Variants in MACF1 observed in about 807,000 individuals in gnomAD.
MACF1 encodes the protein microtubule-actin cross-linking factor 1.
A neutral mutation model predicts 854.8 loss-of-function variants in MACF1; 193 were observed. The ratio of observed to expected loss-of-function variants is 0.23; its 90% CI spans 0.20 to 0.25. MACF1 has a LOEUF of 0.25. Ranked by LOEUF, MACF1 falls within the 10% of genes least tolerant of loss-of-function variation. The pLI is 1.00. For synonymous variants in MACF1, 3,185 were observed against 3,226.7 expected, an observed-to-expected ratio of 0.99 and a Z score of 0.44; for missense variants, 7,722 against 8,929.1, an observed-to-expected ratio of 0.86 and a Z score of 5.45.
At chr1:39,292,059 A>G (rs374431245) in intron 16 of MACF1, 21 bp downstream of exon 16, 242 of 1,612,562 alleles carry the variant, frequency 1.5e-4, no homozygotes, top group Middle Eastern at 8.2e-4. Flanking sequence ...TTCAGAATCC[A>G]CATTACAGGA....
At chr1:39,238,465 T>C (rs990445733) in intron 2 of MACF1, among the ~76,000 whole-genome samples, 3 of 152,186 alleles carry the variant, frequency 2.0e-5, no homozygotes, top group Non-Finnish European at 4.4e-5. Flanking sequence ...TAGCTAAGAG[T>C]GGCCCCTGCC....
At chr1:39,215,230 C>T (rs904866006) in intron 1 of MACF1, 1 of 152,360 alleles carries the variant, frequency 6.6e-6, no homozygotes, top group African/African-American at 2.4e-5. Context: ...GGTGGAGCCA[C>T]TTCTCTGTTC....
chr1:39,331,407 C>T lies in MACF1; in HGVS notation c.4819C>T (p.Gln1607Ter). 1.2e-6 allele frequency: 2 copies of T among 1,614,056 alleles called. No homozygotes were observed. Among genetic ancestry groups the T allele is most frequent in the Non-Finnish European group, 1.7e-6 (2 of 1,180,024 alleles). The change falls in exon 37 of 101, where the codon CAG (glutamine) becomes TAG (stop). Residue 1607 changes from glutamine (Q) to a stop codon, truncating the protein, a stop_gained. Transcript: ENST00000564288. LOFTEE classifies it high-confidence loss of function. ...CATAGCCAGAAACCTCATTAATCCC[C>T]AGATGTACCAGCAGCTCCGGGAGCT... ...EGIARNLINPQMYQQLRELQD... is the reference protein window; with the variant it reads ...EGIARNLINP
intron 2 of MACF1, among the ~76,000 whole-genome samples, chr1:39,190,586 C>G (rs1243877381): frequency 6.6e-6 from 1 of 151,754 alleles, no homozygotes; most frequent in African/African-American, 2.4e-5. Context: ...GAAATCTGCC[C>G]TCTCGGCCTC....
chr1:39,307,706 A>G (rs2484746), intron 23 of MACF1, among the ~76,000 whole-genome samples: 150,424 of 151,630 alleles, frequency 0.99, 74,620 homozygotes, highest in East Asian at 1. Context: ...CCGAGTAGCT[A>G]GGACTACAGG....
At chr1:39,121,119 T>C (rs1642697104) in intron 2 of MACF1, 2 of 152,194 alleles carry the variant, frequency 1.3e-5, no homozygotes, top group South Asian at 4.1e-4. Flanking sequence ...GAAGAGTTTC[T>C]GGTATAAAGT....
In MACF1 at chr1:39,310,318, A is replaced by G. The variant is rs375931922; in HGVS notation, c.2990A>G (p.Gln997Arg). Reference sequence around the variant, plus strand: ...CAGGCCCACTATGAAGACTTTCTGCAGGATAGTCGTGACTCTGTGCTGTTC... The same window carrying G: ...CAGGCCCACTATGAAGACTTTCTGCGGGATAGTCGTGACTCTGTGCTGTTC... ...NLQAHYEDFL[Q>R]DSRDSVLFSV... The change falls in exon 25 of 101, where the codon CAG becomes CGG. Residue 997 changes from glutamine (Q) to arginine (R), a missense_variant. By Grantham distance (43) the Gln-to-Arg change is conservative. This residue lies in a region of MACF1 where 1,137 missense variants were observed against 1,263.0 expected (regional missense o/e 0.90). Transcript: ENST00000564288. 6.8e-6 allele frequency: 11 copies of G among 1,614,042 alleles called. No homozygotes were observed. The African/African-American group carries it at 9.3e-5, about 14-fold the overall frequency.
At chr1:39,139,116 G>GGAGT (rs1643259082) in intron 2 of MACF1, among the ~76,000 whole-genome samples, 1 of 152,136 alleles carries the variant, frequency 6.6e-6, no homozygotes, top group South Asian at 2.1e-4. Context: ...CTATGAAAAT[G>GGAGT]GAGTACAAGG....
rs764400998 is a variant in MACF1 at position 39,430,079 on chromosome 1, A to T, written c.17130+11A>T. ...CAGCAGAGACAGAAGGTGAGCTGTT[A>T]CTTTACCATAAAAAGAAAAAAAGGC... On this transcript the variant is annotated intron_variant, in intron 65 of 100. Coordinates refer to ENST00000564288, the MANE Select transcript of MACF1 (RefSeq NM_001394062.1). 24 of 1,601,950 alleles carry T rather than the reference A, an allele frequency of 1.5e-5. No individual in the cohort carries two copies. Among genetic ancestry groups the T allele is most frequent in the Non-Finnish European group, 1.8e-5 (21 of 1,175,268 alleles).
intron 58 of MACF1, among the ~76,000 whole-genome samples, chr1:39,418,651 T>TC (rs1467166988): frequency 1.3e-5 from 2 of 152,218 alleles, no homozygotes; most frequent in African/African-American, 4.8e-5. Flanking sequence ...TCACTTGAGG[T>TC]CAGGAGTTCA....
At chr1:39,453,889 T>TA in intron 88 of MACF1, 39 bp downstream of exon 88, 1 of 1,611,700 alleles carries the variant, frequency 6.2e-7, no homozygotes, top group Non-Finnish European at 8.5e-7. Flanking sequence ...ACACGCCCAG[T>TA]AAACTATCAC....
At chr1:39,190,395 G>GTTGTTTTTTTT (rs1644237768) in intron 2 of MACF1, among the ~76,000 whole-genome samples, 2 of 79,040 alleles carry the variant, frequency 2.5e-5, no homozygotes, top group Non-Finnish European at 4.7e-5. Flanking sequence ...GTGTGTGTTT[G>GTTGTTTTTTTT]TTTTTGTTTT....
In MACF1 at chr1:39,477,135, T is replaced by TACACACACACACAC. The variant is rs1553458204; in HGVS notation, c.21959-2657_21959-2644dup. On this transcript the variant is annotated intron_variant, in intron 97 of 100. Coordinates refer to ENST00000564288, the MANE Select transcript of MACF1 (RefSeq NM_001394062.1). Reference sequence around the variant, plus strand: ...CACTTAGTGTATATATATATATATATACACACACACACACACACAGATGTG... The same window carrying TACACACACACACAC: ...CACTTAGTGTATATATATATATATATACACACACACACACACACACACACACACACACAGATGTG... Among the ~76,000 whole-genome samples the TACACACACACACAC allele has an allele frequency of 5.1e-3, 523 of 103,292 alleles. 19 individuals carry two copies. The highest frequency in any genetic ancestry group is 0.019 in the African/African-American group (497 of 25,716). 67.8% of individuals were successfully genotyped at this position (103,292 alleles called of 152,430 possible). A position where few individuals can be genotyped will look rare whatever the true frequency, so the allele number is the denominator to read the frequency against.
At chr1:39,451,999 C>T (rs1003632048) in intron 85 of MACF1, among the ~76,000 whole-genome samples, 157 bp from the exon 86 acceptor site, 3 of 152,174 alleles carry the variant, frequency 2.0e-5, no homozygotes, top group South Asian at 2.1e-4. Context: ...TGAGCCACTG[C>T]GCCCGGCCTG....
intron 56 of MACF1, 22 bp from the exon 57 acceptor site, chr1:39,385,411 TC>T: frequency 1.2e-6 from 2 of 1,609,656 alleles, no homozygotes; most frequent in Non-Finnish European, 1.7e-6. Context: ...TGTCTAAACA[TC>T]TTGGTGTCAT....
intron 70 of MACF1, chr1:39,436,013 T>C (rs766508435): frequency 3.5e-5 from 17 of 486,252 alleles, no homozygotes; most frequent in Non-Finnish European, 4.7e-5. Context: ...GAAAACTTTA[T>C]GTTGTGATGA....
At chr1:39,405,594 T>G (rs1262854466) in intron 58 of MACF1, among the ~76,000 whole-genome samples, 1 of 152,256 alleles carries the variant, frequency 6.6e-6, no homozygotes, top group African/African-American at 2.4e-5. Flanking sequence ...TCCACCCGGC[T>G]GTCTTTCATT....
At chr1:39,342,291 G>T (rs1396567935) in intron 40 of MACF1, among the ~76,000 whole-genome samples, 5 of 152,066 alleles carry the variant, frequency 3.3e-5, no homozygotes, top group African/African-American at 4.8e-5. Flanking sequence ...TCTTTATCCA[G>T]TGTACCATTG....
chr1:39,337,257 G>T lies in MACF1; in HGVS notation c.10141G>T (p.Glu3381Ter). The change falls in exon 38 of 101, where the codon GAA becomes TAA. Residue 3381 changes from glutamate (E) to a stop codon, truncating the protein, a stop_gained. Transcript: ENST00000564288. LOFTEE classifies it high-confidence loss of function. ...CTATCTGTCTCTGTTACGGAACATT[G>T]AAATGAGGACCAAACAGATTCAACC... ...VSYLSLLRNI[E>*]MRTKQIQPLE... 6.2e-7 allele frequency: 1 copy of T among 1,614,062 alleles called. No individual in the cohort carries two copies. The highest frequency in any genetic ancestry group is 8.5e-7 in the Non-Finnish European group (1 of 1,179,976).
Sources: allele counts gnomAD v4.1 joint callset (sites outside exome capture counted in the v4.1 genomes callset), GRCh38; gene constraint gnomAD v4.1.1; regional missense constraint gnomAD v4.1.1; transcripts MANE v1.5; gene names NCBI Gene and HGNC (gene_info 2026-07-23, HGNC 2026-07-21).